Variants in TPCN2 observed in about 807,000 individuals in gnomAD.
TPCN2 encodes two pore segment channel 2.
In TPCN2, 92 loss-of-function variants were observed where a neutral mutation model predicts 111.4. The ratio of observed to expected loss-of-function variants is 0.83; its 90% CI spans 0.70 to 0.98. The LOEUF (loss-of-function observed/expected upper bound fraction) is 0.98. Ranked by LOEUF, TPCN2 falls within the 50% of genes least tolerant of loss-of-function variation. The pLI is 0.00. For missense variants in TPCN2, 995 were observed against 980.1 expected, an observed-to-expected ratio of 1.02 and a Z score of -0.20; for synonymous variants, 405 against 414.5, an observed-to-expected ratio of 0.98 and a Z score of 0.28.
At position 69,067,581 on chromosome 11, in the gene TPCN2, C is replaced by T; in HGVS notation, c.805C>T (p.Leu269=). 1.2e-6 allele frequency: 2 copies of T among 1,613,974 alleles called. No homozygotes were observed. Among genetic ancestry groups the T allele is most frequent in the South Asian group, 1.1e-5 (1 of 91,086 alleles). ...PESLTSLLVL[L]TTANNPDVMI... ...GTCTCTGACTTCCCTCCTGGTGCTG[C>T]TGACCACGGCCAACAACCCCGATGG... Residue 269 remains leucine, a synonymous_variant, in exon 8 of 25, where the codon CTG becomes TTG. Transcript: ENST00000294309.
At position 69,086,006 on chromosome 11, in the gene TPCN2, C is replaced by T. The variant is rs1856258240; in HGVS notation, c.2003+76C>T. On this transcript the variant is annotated intron_variant, in intron 22 of 24. Coordinates refer to ENST00000294309, the MANE Select transcript of TPCN2 (RefSeq NM_139075.4). ...TCCCTCACCTCCGGGCACGCTGCAT[C>T]TGCACTGGACGCCCGGAGCGTGGCT... 5.0e-6 allele frequency: 7 copies of T among 1,403,786 alleles called. No homozygotes were observed. The South Asian group carries it at 8.4e-5, about 17-fold the overall frequency. The allele number at this position is 1,403,786 out of a possible 1,614,324, so 87.0% of individuals were successfully genotyped here.
At chr11:69,072,585 C>G (rs780164759) in intron 11 of TPCN2, 42 bp from the exon 12 acceptor site, 11 of 1,605,648 alleles carry the variant, frequency 6.9e-6, no homozygotes, top group Admixed American at 1.7e-5. Context: ...CCAAGGGAGC[C>G]GAGCTGGCTG....
intron 9 of TPCN2, among the ~76,000 whole-genome samples, 179 bp downstream of exon 9, chr11:69,070,674 C>T (rs1170745736): frequency 1.3e-5 from 2 of 151,524 alleles, no homozygotes; most frequent in Non-Finnish European, 1.5e-5. Flanking sequence ...ACAGCTTCAC[C>T]CGAGGGATCC....
intron 4 of TPCN2, 124 bp downstream of exon 4, chr11:69,055,476 C>T (rs778397171): frequency 7.6e-6 from 8 of 1,057,726 alleles, no homozygotes; most frequent in African/African-American, 3.2e-5. Context: ...TACTTTGACC[C>T]GGTGAGCAAG....
At chr11:69,065,371 G>C (rs1042336118) in intron 7 of TPCN2, among the ~76,000 whole-genome samples, 11 of 152,168 alleles carry the variant, frequency 7.2e-5, no homozygotes, top group Non-Finnish European at 1.2e-4. Context: ...CCTCGACCCC[G>C]GGAAAGCCGA....
chr11:69,074,365 G>A (rs557614495), intron 13 of TPCN2, among the ~76,000 whole-genome samples: 4 of 152,360 alleles, frequency 2.6e-5, no homozygotes, highest in Non-Finnish European at 4.4e-5. Flanking sequence ...AGGATCAGTA[G>A]GTGGCAGTTT....
At position 69,055,448 on chromosome 11, in the gene TPCN2, C is replaced by A; in HGVS notation, c.429+96C>A. 10 of 1,283,192 alleles carry A rather than the reference C, an allele frequency of 7.8e-6. No homozygotes were observed. The South Asian group carries it at 1.3e-4, about 17-fold the overall frequency. 79.5% of individuals were successfully genotyped at this position (1,283,192 alleles called of 1,614,324 possible). ...ATTGCTGATTCTCTGGAGTGAGCTG[C>A]CTTTTCCCCAGACTTTGTACTTTGA... On this transcript the variant is annotated intron_variant, in intron 4 of 24. Transcript: ENST00000294309.
chr11:69,065,097 G>C (rs1275223779), intron 7 of TPCN2, among the ~76,000 whole-genome samples: 4 of 151,804 alleles, frequency 2.6e-5, no homozygotes, highest in Non-Finnish European at 4.4e-5. Context: ...ATGTCTCTGC[G>C]TGCGTGGTGT....
At chr11:69,086,125 C>G (rs1166658525) in intron 22 of TPCN2, among the ~76,000 whole-genome samples, 195 bp downstream of exon 22, 1 of 152,232 alleles carries the variant, frequency 6.6e-6, no homozygotes, top group African/African-American at 2.4e-5. Context: ...TCGTGACTCT[C>G]AGGATGGTGG....
At chr11:69,065,555 A>G (rs1238394409) in intron 7 of TPCN2, among the ~76,000 whole-genome samples, 1 of 151,980 alleles carries the variant, frequency 6.6e-6, no homozygotes, top group Non-Finnish European at 1.5e-5. Flanking sequence ...GGAGCGTGGG[A>G]TGGTACCCGG....
Position 69,081,441 on chromosome 11 carries a change from C to T in TPCN2, c.1631C>T (p.Thr544Ile). 6.4e-7 allele frequency: 1 copy of T among 1,573,636 alleles called. No individual in the cohort carries two copies. Among genetic ancestry groups the T allele is most frequent in the South Asian group, 1.2e-5 (1 of 86,080 alleles). The part of the protein sequence containing the change: ...MVGLLSLWDM[T>I]RMLNMLIVFR... ...GGCCTGCTGTCGCTGTGGGACATGA[C>T]CCGCATGCTGAACATGCTCATCGTG... Residue 544 changes from threonine to isoleucine, a missense_variant, in exon 18 of 25, where the codon ACC becomes ATC. Thr to Ile is a moderately conservative substitution (Grantham distance 89). Transcript: ENST00000294309.
Position 69,081,471 on chromosome 11 carries a change from G to T in TPCN2, c.1661G>T (p.Arg554Leu). 2.5e-6 allele frequency: 4 copies of T among 1,572,262 alleles called. No individual in the cohort carries two copies. The highest frequency in any genetic ancestry group is 1.2e-5 in the South Asian group (1 of 85,904). The change falls in exon 18 of 25, where the codon CGC becomes CTC. Residue 554 changes from arginine (R) to leucine (L), a missense_variant. By Grantham distance (102) the Arg-to-Leu change is moderately radical (BLOSUM62 -2). Coordinates refer to ENST00000294309, the MANE Select transcript of TPCN2 (RefSeq NM_139075.4). ...TRMLNMLIVF[R>L]FLRIIPSMKL... ...ATGCTGAACATGCTCATCGTGTTCC[G>T]CTTCCTGCGTATCATCCCCAGCATG...
At chr11:69,062,222 A>G (rs889653487) in intron 5 of TPCN2, among the ~76,000 whole-genome samples, 4 of 152,120 alleles carry the variant, frequency 2.6e-5, no homozygotes, top group Non-Finnish European at 4.4e-5. Flanking sequence ...GGAGGGTACC[A>G]GGCTATTCAT....
At chr11:69,078,267 T>C (rs1006243555) in intron 13 of TPCN2, among the ~76,000 whole-genome samples, 1 of 152,160 alleles carries the variant, frequency 6.6e-6, no homozygotes, top group Non-Finnish European at 1.5e-5. Context: ...CAGTTGCTTC[T>C]ATTTCTCTTT....
At chr11:69,075,662 G>A (rs1425659244) in intron 13 of TPCN2, among the ~76,000 whole-genome samples, 4 of 152,216 alleles carry the variant, frequency 2.6e-5, no homozygotes, top group East Asian at 1.9e-4. Context: ...GCAGGCTGAC[G>A]TCATGGGAGC....
chr11:69,088,081 T>A lies in TPCN2; in HGVS notation c.*128T>A. On this transcript the variant is annotated 3_prime_UTR_variant, in exon 25 of 25. Coordinates refer to ENST00000294309, the MANE Select transcript of TPCN2 (RefSeq NM_139075.4). ...AGAGACCTTTCCTCTGACGGACCAC[T>A]AAGCTGGGGACAGGAACCAAGTCCT... 2.6e-6 allele frequency: 2 copies of A among 755,120 alleles called. No homozygotes were observed. Among genetic ancestry groups the A allele is most frequent in the South Asian group, 1.8e-5 (1 of 54,780 alleles). 46.8% of individuals were successfully genotyped at this position (755,120 alleles called of 1,614,324 possible). A position where few individuals can be genotyped will look rare whatever the true frequency, so the allele number is the denominator to read the frequency against.
chr11:69,087,194 A>G lies in TPCN2; in HGVS notation c.2168A>G (p.Glu723Gly), dbSNP rs751479076. The G allele has an allele frequency of 6.8e-6, 11 of 1,613,542 alleles. No homozygotes were observed. Among genetic ancestry groups the G allele is most frequent in the Non-Finnish European group, 8.5e-6 (10 of 1,179,802 alleles). The change falls in exon 24 of 25, where the codon GAG (glutamate) becomes GGG (glycine). Residue 723 changes from glutamate to glycine, a missense_variant. By Grantham distance (98) the Glu-to-Gly change is moderately conservative. Coordinates refer to ENST00000294309, the MANE Select transcript of TPCN2 (RefSeq NM_139075.4). The part of the protein sequence containing the change: ...TPEATYQMTV[E>G]LLFRDILEEP... ...GAGGCCACCTACCAGATGACTGTGGAGCTCCTGTTCAGGTGTGTGGGTGGG... is the reference window on the plus strand; with the variant it reads ...GAGGCCACCTACCAGATGACTGTGGGGCTCCTGTTCAGGTGTGTGGGTGGG...
intron 12 of TPCN2, 22 bp downstream of exon 12, chr11:69,072,730 C>T: frequency 6.2e-7 from 1 of 1,612,796 alleles, no homozygotes; most frequent in Non-Finnish European, 8.5e-7. Flanking sequence ...CTGCTCCCAG[C>T]CTCCTCTGGG....
At chr11:69,072,796 C>T in intron 12 of TPCN2, 88 bp downstream of exon 12, 1 of 1,554,802 alleles carries the variant, frequency 6.4e-7, no homozygotes, top group Non-Finnish European at 8.9e-7. Flanking sequence ...AGGGGTGTGG[C>T]TTCAGGTCAC....
Sources: allele counts gnomAD v4.1 joint callset (sites outside exome capture counted in the v4.1 genomes callset), GRCh38; gene constraint gnomAD v4.1.1; transcripts MANE v1.5; gene names NCBI Gene and HGNC (gene_info 2026-07-23, HGNC 2026-07-21).